Variants in FAM120A observed in about 807,000 individuals in gnomAD.
FAM120A encodes the protein family with sequence similarity 120 member A, also known as constitutive coactivator of PPAR-gamma-like protein 1.
A neutral mutation model predicts 109.7 loss-of-function variants in FAM120A; 15 were observed. The ratio of observed to expected loss-of-function variants is 0.14; its 90% CI spans 0.09 to 0.21. The LOEUF (loss-of-function observed/expected upper bound fraction) is 0.21. Ranked by LOEUF, FAM120A falls within the 10% of genes least tolerant of loss-of-function variation. The pLI is 1.00. For missense variants in FAM120A, 899 were observed against 1,439.3 expected (o/e 0.62, Z 6.07); for synonymous variants, 493 against 572.8 (o/e 0.86, Z 1.99).
intron 10 of FAM120A, among the ~76,000 whole-genome samples, chr9:93,538,891 A>G (rs1267528358): frequency 6.6e-6 from 1 of 152,246 alleles, no homozygotes; most frequent in South Asian, 2.1e-4. Context: ...TTTTACTGAC[A>G]GCTTAAGTAC....
At chr9:93,499,566 G>A (rs1406221092) in intron 5 of FAM120A, among the ~76,000 whole-genome samples, 1 of 152,192 alleles carries the variant, frequency 6.6e-6, no homozygotes, top group Admixed American at 6.5e-5. Context: ...GGGATTACAG[G>A]CATGAGCCAC....
chr9:93,508,904 T>G (rs1860190328), intron 5 of FAM120A, among the ~76,000 whole-genome samples: 2 of 152,074 alleles, frequency 1.3e-5, no homozygotes, highest in Non-Finnish European at 2.9e-5. Flanking sequence ...TCTGAGAACA[T>G]GAGAAAATAT....
intron 10 of FAM120A, among the ~76,000 whole-genome samples, chr9:93,539,547 A>G (rs886933161): frequency 2.8e-4 from 43 of 152,300 alleles, no homozygotes; most frequent in African/African-American, 1.0e-3. Flanking sequence ...CTTCAAAACT[A>G]CCAGTACGGA....
chr9:93,540,322 T>A (rs1306965827), intron 10 of FAM120A, among the ~76,000 whole-genome samples: 2 of 152,258 alleles, frequency 1.3e-5, no homozygotes, highest in African/African-American at 4.8e-5. Context: ...CCTTTGCTTC[T>A]GGAGCAAGCC....
chr9:93,529,635 T>G lies in FAM120A; in HGVS notation c.1734+55T>G, dbSNP rs1861245695. The G allele has an allele frequency of 2.0e-6, 3 of 1,481,892 alleles. No individual in the cohort carries two copies. In the African/African-American group the frequency reaches 4.1e-5, roughly 20 times the overall value. 91.8% of individuals were successfully genotyped at this position (1,481,892 alleles called of 1,614,324 possible). A position where few individuals can be genotyped will look rare whatever the true frequency, so the allele number is the denominator to read the frequency against. ...CTGTTATTTGATGAGTGGCCATTCC[T>G]ATGGGTGTTTTGTCCTTTTGTCCTT... is the stretch of plus-strand genomic sequence containing the variant. On this transcript the variant is annotated intron_variant, in intron 9 of 17. Coordinates refer to ENST00000277165, the MANE Select transcript of FAM120A (RefSeq NM_014612.5).
chr9:93,561,792 CCATA>C (rs1862478622), intron 16 of FAM120A, among the ~76,000 whole-genome samples: 1 of 151,950 alleles, frequency 6.6e-6, no homozygotes, highest in African/African-American at 2.4e-5. Context: ...AAATAATTAA[CCATA>C]CAATTTTCAA....
At chr9:93,486,373 T>C (rs1374705579) in intron 3 of FAM120A, among the ~76,000 whole-genome samples, 2 of 152,200 alleles carry the variant, frequency 1.3e-5, no homozygotes, top group Admixed American at 6.5e-5. Flanking sequence ...GGGTTATTTG[T>C]ACCTTTTGGC....
intron 1 of FAM120A, chr9:93,453,300 C>T: frequency 1.0e-6 from 1 of 986,716 alleles, no homozygotes; most frequent in Non-Finnish European, 1.2e-6. Flanking sequence ...TGGCAGAGGG[C>T]TTCGCAGCTG....
At chr9:93,524,878 C>G (rs1026633467) in intron 7 of FAM120A, among the ~76,000 whole-genome samples, 6 of 152,172 alleles carry the variant, frequency 3.9e-5, no homozygotes, top group Non-Finnish European at 7.3e-5. Flanking sequence ...CCTGTCTCAG[C>G]ACGTCTCAGC....
At chr9:93,517,797 G>T (rs1325844156) in intron 7 of FAM120A, among the ~76,000 whole-genome samples, 1 of 152,172 alleles carries the variant, frequency 6.6e-6, no homozygotes, top group Non-Finnish European at 1.5e-5. Context: ...GGTGGGGAGG[G>T]ATTGAGAAGA....
chr9:93,518,590 C>A (rs901830679), intron 7 of FAM120A, among the ~76,000 whole-genome samples: 2 of 152,216 alleles, frequency 1.3e-5, no homozygotes, highest in African/African-American at 4.8e-5. Flanking sequence ...GTGATGAGGT[C>A]TGTGCGCAGA....
intron 11 of FAM120A, among the ~76,000 whole-genome samples, chr9:93,547,208 A>G (rs886730709): frequency 2.0e-5 from 3 of 152,182 alleles, no homozygotes; most frequent in African/African-American, 7.2e-5. Context: ...TCTTGTCCAA[A>G]AGCAGCAGCT....
intron 3 of FAM120A, among the ~76,000 whole-genome samples, chr9:93,485,271 C>A (rs561706341): frequency 6.6e-6 from 1 of 152,238 alleles, no homozygotes; most frequent in African/African-American, 2.4e-5. Context: ...TGGTGCCAGG[C>A]AAGTTCCTTC....
chr9:93,501,004 G>A (rs1859777315), intron 5 of FAM120A, among the ~76,000 whole-genome samples: 1 of 152,196 alleles, frequency 6.6e-6, no homozygotes, highest in South Asian at 2.1e-4. Context: ...AAGAATAACA[G>A]ATACTGTCTG....
At position 93,564,328 on chromosome 9, in the gene FAM120A, C is replaced by G. The variant is rs1862570514; in HGVS notation, c.3145C>G (p.Leu1049Val). ...CTCTGCTATGTCTTCAGACGGGTCC[C>G]TGGCTGAAAACGGAGTGATGGCCGA... The part of the protein sequence containing the change: ...KSSAMSSDGS[L>V]AENGVMAEEK... The change falls in exon 18 of 18, where the codon CTG (leucine) becomes GTG (valine). Residue 1049 changes from leucine to valine, a missense_variant. Transcript: ENST00000277165. 2.5e-6 allele frequency: 4 copies of G among 1,614,202 alleles called. No homozygotes were observed. Among genetic ancestry groups the G allele is most frequent in the Non-Finnish European group, 3.4e-6 (4 of 1,180,040 alleles).
chr9:93,473,773 C>T (rs951116870), intron 2 of FAM120A, among the ~76,000 whole-genome samples: 8 of 152,172 alleles, frequency 5.3e-5, no homozygotes, highest in Non-Finnish European at 7.4e-5. Flanking sequence ...GGGATTAAAA[C>T]GAATCTTTTA....
At position 93,564,268 on chromosome 9, in the gene FAM120A, A is replaced by C; in HGVS notation, c.3085A>C (p.Lys1029Gln). The change falls in exon 18 of 18, where the codon AAA (lysine) becomes CAA (glutamine). Residue 1029 changes from lysine (K) to glutamine (Q), a missense_variant. By Grantham distance (53) the Lys-to-Gln change is moderately conservative. Around this residue, in one of 11 missense-constraint regions of FAM120A, gnomAD observed 170 missense variants for 205.0 expected, o/e 0.83. Coordinates refer to ENST00000277165, the MANE Select transcript of FAM120A (RefSeq NM_014612.5). Reference protein sequence around the residue: ...PYAASAEEVAKELKSKSGESK... With the variant: ...PYAASAEEVAQELKSKSGESK... ...TGCTGCTTCAGCAGAAGAAGTGGCC[A>C]AAGAACTTAAGTCAAAATCTGGGGA... is the stretch of plus-strand genomic sequence containing the variant. 1.2e-6 allele frequency: 2 copies of C among 1,613,822 alleles called. No individual in the cohort carries two copies. Among genetic ancestry groups the C allele is most frequent in the East Asian group, 4.5e-5 (2 of 44,854 alleles).
intron 15 of FAM120A, among the ~76,000 whole-genome samples, chr9:93,559,417 T>C (rs1862400128): frequency 6.6e-6 from 1 of 152,242 alleles, no homozygotes; most frequent in Non-Finnish European, 1.5e-5. Context: ...TGGAGTTGCA[T>C]TGAGGATGGG....
chr9:93,476,536 A>G (rs1360503294), intron 3 of FAM120A, among the ~76,000 whole-genome samples, 198 bp downstream of exon 3: 1 of 152,242 alleles, frequency 6.6e-6, no homozygotes, highest in Non-Finnish European at 1.5e-5. Context: ...CCTATATGTT[A>G]GGTAAATGTA....
Sources: allele counts gnomAD v4.1 joint callset (sites outside exome capture counted in the v4.1 genomes callset), GRCh38; gene constraint gnomAD v4.1.1; regional missense constraint gnomAD v4.1.1; transcripts MANE v1.5; gene names NCBI Gene and HGNC (gene_info 2026-07-23, HGNC 2026-07-21).